The following PCDHGA7 variants were observed in gnomAD, a reference collection of about 807,000 sequenced individuals.
PCDHGA7 encodes the protein protocadherin gamma subfamily A, 7.
In PCDHGA7, 44 loss-of-function variants were observed where a neutral mutation model predicts 58.3. The ratio of observed to expected loss-of-function variants is 0.75; its 90% CI spans 0.59 to 0.97. The LOEUF is 0.97. Ranked by LOEUF, PCDHGA7 falls within the 50% of genes least tolerant of loss-of-function variation. PCDHGA7 has a pLI of 0.00. For synonymous variants in PCDHGA7, 516 were observed against 504.2 expected (o/e 1.02, Z -0.31); for missense variants, 1,266 against 1,188.7 (o/e 1.06, Z -0.96).
intron 1 of PCDHGA7, chr5:141,389,481 C>G (rs372276550): frequency 3.7e-5 from 60 of 1,612,962 alleles, no homozygotes; most frequent in African/African-American, 8.0e-5. Flanking sequence ...ACTGCAGGCC[C>G]GCGACCAGGG....
At position 141,418,522 on chromosome 5, in the gene PCDHGA7, C is replaced by T. The variant is rs751177053; in HGVS notation, c.2424+33199C>T. The T allele has an allele frequency of 1.5e-5, 24 of 1,613,884 alleles. No individual in the cohort carries two copies. The African/African-American group carries it at 2.7e-4, about 18-fold the overall frequency. ...CCGCCTTAGATGGTGGGGACCCTCC[C>T]CGAAGCGGTACTGCTCAGATAAGAA... is the stretch of plus-strand genomic sequence containing the variant. On this transcript the variant is annotated intron_variant, in intron 1 of 3. Transcript: ENST00000518325.
intron 2 of PCDHGA7, among the ~76,000 whole-genome samples, chr5:141,499,829 G>A (rs1322405697): frequency 6.6e-6 from 1 of 151,548 alleles, no homozygotes; most frequent in African/African-American, 2.4e-5. Context: ...TAGGATTACA[G>A]GTGTGCACCA....
At position 141,393,382 on chromosome 5, in the gene PCDHGA7, T is replaced by G. The variant is rs778957877; in HGVS notation, c.2424+8059T>G. ...GTGCAGACTGGAGACAATGGAGCCA[T>G]AAACCCAGAGCTGGTGCTGGAGCGC... On this transcript the variant is annotated intron_variant, in intron 1 of 3. Coordinates refer to ENST00000518325, the MANE Select transcript of PCDHGA7 (RefSeq NM_018920.4). The G allele has an allele frequency of 1.9e-6, 3 of 1,613,948 alleles. No individual in the cohort carries two copies. In the South Asian group the frequency reaches 3.3e-5, roughly 18 times the overall value.
At chr5:141,414,870 G>T in intron 1 of PCDHGA7, 1 of 1,614,224 alleles carries the variant, frequency 6.2e-7, no homozygotes, top group Non-Finnish European at 8.5e-7. Flanking sequence ...ATGCGCCCGA[G>T]ATCCTGTACC....
At chr5:141,427,615 A>G (rs1428096450) in intron 1 of PCDHGA7, 2 of 693,732 alleles carry the variant, frequency 2.9e-6, no homozygotes, top group Non-Finnish European at 5.3e-6. Context: ...GGTGAAGTCA[A>G]CGACAATGCT....
intron 2 of PCDHGA7, among the ~76,000 whole-genome samples, chr5:141,501,526 G>A (rs2099809738): frequency 6.6e-6 from 1 of 151,962 alleles, no homozygotes; most frequent in Non-Finnish European, 1.5e-5. Context: ...CTGAAGCCCA[G>A]TACGTTGTTG....
chr5:141,460,983 G>GTGTATA (rs1554142949), intron 1 of PCDHGA7, among the ~76,000 whole-genome samples: 24 of 137,844 alleles, frequency 1.7e-4, no homozygotes, highest in African/African-American at 5.4e-4. Context: ...GTGTGTGTGT[G>GTGTATA]TATATATATA....
At chr5:141,448,449 T>C (rs528049717) in intron 1 of PCDHGA7, among the ~76,000 whole-genome samples, 1 of 152,284 alleles carries the variant, frequency 6.6e-6, no homozygotes, top group South Asian at 2.1e-4. Context: ...CTGACTTCCA[T>C]CCCTATCCTA....
chr5:141,462,393 C>A (rs1465154354), intron 1 of PCDHGA7, among the ~76,000 whole-genome samples: 4 of 152,062 alleles, frequency 2.6e-5, no homozygotes, highest in African/African-American at 9.7e-5. Flanking sequence ...GTTAACATTT[C>A]TTTTATGGCA....
In PCDHGA7 at chr5:141,432,613, G is replaced by A. The variant is rs1461837957; in HGVS notation, c.2424+47290G>A. 6.2e-7 allele frequency: 1 copy of A among 1,613,946 alleles called. No homozygotes were observed. The highest frequency in any genetic ancestry group is 1.3e-5 in the African/African-American group (1 of 75,056). On this transcript the variant is annotated intron_variant, in intron 1 of 3. Coordinates refer to ENST00000518325, the MANE Select transcript of PCDHGA7 (RefSeq NM_018920.4). The surrounding 1 kb of genome is among the most constrained non-coding windows in gnomAD (Gnocchi z 6.0). ...AGGCCAGCGAGCCGGGACTCTTCTC[G>A]GTGGGTCTGCACACGGGCGAGGTGC...
rs143317584 is a variant in PCDHGA7 at position 141,432,282 on chromosome 5, A to G, written c.2424+46959A>G. 5.0e-5 allele frequency: 81 copies of G among 1,613,850 alleles called. No homozygotes were observed. The African/African-American group carries it at 6.4e-4, about 13-fold the overall frequency. ...AGCCTATCGTCCTACGTGTCCATCAACTCCGACACTGGGGTACTGTATGCG... is the reference window on the plus strand; with the variant it reads ...AGCCTATCGTCCTACGTGTCCATCAGCTCCGACACTGGGGTACTGTATGCG... On this transcript the variant is annotated intron_variant, in intron 1 of 3. Transcript: ENST00000518325. This position sits in a 1 kb window ranked among gnomAD's most constrained non-coding sequence, Gnocchi z 6.0.
In PCDHGA7 at chr5:141,512,517, A is replaced by G. The variant is rs985434754; in HGVS notation, c.*1344A>G. ...GTCCCCAGTGCGCCCCCTAGTGGCC[A>G]TAGCCTGGTTAAAGTTCCCCAGTGC... On this transcript the variant is annotated 3_prime_UTR_variant, in exon 4 of 4. Coordinates refer to ENST00000518325, the MANE Select transcript of PCDHGA7 (RefSeq NM_018920.4). 3 of 152,938 alleles carry G rather than the reference A, an allele frequency of 2.0e-5. No individual in the cohort carries two copies. Among genetic ancestry groups the G allele is most frequent in the African/African-American group, 7.2e-5 (3 of 41,464 alleles). 9.5% of individuals were successfully genotyped at this position (152,938 alleles called of 1,614,324 possible).
rs750804901 is a variant in PCDHGA7 at position 141,476,422 on chromosome 5, C to G, written c.2425-18385C>G. On this transcript the variant is annotated intron_variant, in intron 1 of 3. Coordinates refer to ENST00000518325, the MANE Select transcript of PCDHGA7 (RefSeq NM_018920.4). The surrounding 1 kb of genome is among the most constrained non-coding windows in gnomAD (Gnocchi z 7.6). ...GAGAGGAGCTGTGTGGGACACTGCC[C>G]TCTTGCACTGTAACTCTGGAGTTGG... 17 of 1,614,026 alleles carry G rather than the reference C, an allele frequency of 1.1e-5. No individual in the cohort carries two copies. The highest frequency in any genetic ancestry group is 1.4e-5 in the Non-Finnish European group (17 of 1,180,030).
chr5:141,478,517 T>G (rs1593923092), intron 1 of PCDHGA7: 1 of 1,611,116 alleles, frequency 6.2e-7, no homozygotes, highest in Non-Finnish European at 8.5e-7. Context: ...TAGGCAGGTG[T>G]TGGGTGCAGA....
At chr5:141,505,305 C>T (rs1363643214) in intron 2 of PCDHGA7, 88 bp from the exon 3 acceptor site, 2 of 1,595,104 alleles carry the variant, frequency 1.3e-6, no homozygotes, top group Admixed American at 1.7e-5. Flanking sequence ...GGTTAGGGTA[C>T]TAGGTTTGGG....
Position 141,409,599 on chromosome 5 carries a change from C to A in PCDHGA7, c.2424+24276C>A, listed in dbSNP as rs753753955. The A allele has an allele frequency of 9.9e-6, 16 of 1,613,822 alleles. No individual in the cohort carries two copies. The Admixed American group carries it at 2.2e-4, about 22-fold the overall frequency. ...GTGGTCCACGTGGCCGAGAACAACC[C>A]GCCAGGAGCCTCCATTGCGCAAGTG... On this transcript the variant is annotated intron_variant, in intron 1 of 3. Transcript: ENST00000518325.
At chr5:141,405,363 C>A (rs765508317) in intron 1 of PCDHGA7, 3 of 1,613,808 alleles carry the variant, frequency 1.9e-6, no homozygotes, top group South Asian at 1.1e-5. Context: ...ATAGAAGACA[C>A]CCCTTTGGTT....
Position 141,489,179 on chromosome 5 carries a change from C to T in PCDHGA7, c.2425-5628C>T. ...AGACTTCAGCTGCTGCATTCCAAGC[C>T]CTGGGTCTACCTTGGAGACAGGACA... On this transcript the variant is annotated intron_variant, in intron 1 of 3. Coordinates refer to ENST00000518325, the MANE Select transcript of PCDHGA7 (RefSeq NM_018920.4). The surrounding 1 kb of genome is among the most constrained non-coding windows in gnomAD (Gnocchi z 4.5). The T allele has an allele frequency of 8.0e-7, 1 of 1,243,186 alleles. No individual in the cohort carries two copies. The highest frequency in any genetic ancestry group is 1.1e-6 in the Non-Finnish European group (1 of 890,032). The allele number at this position is 1,243,186 out of a possible 1,614,324, so 77.0% of individuals were successfully genotyped here. A position where few individuals can be genotyped will look rare whatever the true frequency, so the allele number is the denominator to read the frequency against.
chr5:141,391,882 A>C (rs2092435224), intron 1 of PCDHGA7: 1 of 152,226 alleles, frequency 6.6e-6, no homozygotes, highest in Middle Eastern at 3.2e-3. Flanking sequence ...CTTTGGTGAA[A>C]GGGATGGGAT....
Sources: allele counts gnomAD v4.1 joint callset (sites outside exome capture counted in the v4.1 genomes callset), GRCh38; gene constraint gnomAD v4.1.1; non-coding constraint Gnocchi (gnomAD v3.1); transcripts MANE v1.5; gene names NCBI Gene and HGNC (gene_info 2026-07-23, HGNC 2026-07-21).